The following SORT1 variants were observed in gnomAD, a reference collection of about 807,000 sequenced individuals.
SORT1 encodes the protein sortilin 1.
Under a neutral mutation model 101.7 loss-of-function variants are expected in SORT1, and 39 were observed. The observed-to-expected ratio is 0.38, with a 90% confidence interval of 0.30 to 0.50. SORT1 has a LOEUF of 0.50. SORT1 is among the 20% of genes least tolerant of loss of function. SORT1 has a pLI of 0.90. For synonymous variants in SORT1, 396 were observed against 393.7 expected, an observed-to-expected ratio of 1.01 and a Z score of -0.07; for missense variants, 878 against 1,040.4, an observed-to-expected ratio of 0.84 and a Z score of 2.15.
At chr1:109,344,091 C>T (rs563098589) in intron 8 of SORT1, among the ~76,000 whole-genome samples, 2 of 152,318 alleles carry the variant, frequency 1.3e-5, no homozygotes, top group East Asian at 3.9e-4. Flanking sequence ...TCACAACCCA[C>T]ATCAAATCCA....
intron 1 of SORT1, among the ~76,000 whole-genome samples, chr1:109,372,848 G>A (rs1370070754): frequency 2.0e-5 from 3 of 150,206 alleles, no homozygotes; most frequent in Admixed American, 1.3e-4. Context: ...GCAGTGAGCC[G>A]AGAGCGCGCC....
chr1:109,362,474 T>C (rs1271243349), intron 3 of SORT1, among the ~76,000 whole-genome samples: 1 of 152,228 alleles, frequency 6.6e-6, no homozygotes, highest in Non-Finnish European at 1.5e-5. Flanking sequence ...TTGGCAAGAT[T>C]TGAATTCATA....
Position 109,342,153 on chromosome 1 carries a change from T to G in SORT1, c.969A>C (p.Thr323=), listed in dbSNP as rs2228604. The G allele has an allele frequency of 0.72, 1,152,128 of 1,608,056 alleles. 419,431 individuals are homozygous for G. Among genetic ancestry groups the G allele is most frequent in the East Asian group, 0.97 (43,543 of 44,856 alleles). ...CTGTTGAAACGTGGATCCTTCTTGT[T>G]GTATCCTAGAACAGATGTCAATATT... ...LFASVMADKD[T]TRRIHVSTDQ... The change falls in exon 9 of 20, where the codon ACA becomes ACC. Residue 323 remains threonine (T), a synonymous_variant. Coordinates refer to ENST00000256637, the MANE Select transcript of SORT1 (RefSeq NM_002959.7).
intron 1 of SORT1, among the ~76,000 whole-genome samples, chr1:109,376,498 T>C (rs757992675): frequency 4.6e-5 from 7 of 152,150 alleles, no homozygotes; most frequent in Non-Finnish European, 1.0e-4. Flanking sequence ...TCAACCTAGG[T>C]GCCCATCAGC....
intron 3 of SORT1, among the ~76,000 whole-genome samples, chr1:109,359,753 G>A (rs915823393): frequency 3.3e-5 from 5 of 152,148 alleles, no homozygotes; most frequent in Non-Finnish European, 5.9e-5. Flanking sequence ...TCCCACATCT[G>A]CCTCCCAAAG....
At chr1:109,355,207 T>C (rs991994777) in intron 4 of SORT1, among the ~76,000 whole-genome samples, 160 bp downstream of exon 4, 1 of 151,954 alleles carries the variant, frequency 6.6e-6, no homozygotes, top group Admixed American at 6.6e-5. Context: ...GGAGACAGAG[T>C]GAGACCCTTA....
At chr1:109,327,647 A>T in intron 11 of SORT1, 46 bp from the exon 12 acceptor site, 1 of 1,279,514 alleles carries the variant, frequency 7.8e-7, no homozygotes, top group Non-Finnish European at 1.1e-6. Context: ...AGATAAAGAT[A>T]CAATTTCTTT....
At chr1:109,358,331 C>T (rs1394533850) in intron 3 of SORT1, among the ~76,000 whole-genome samples, 1 of 152,102 alleles carries the variant, frequency 6.6e-6, no homozygotes, top group Non-Finnish European at 1.5e-5. Context: ...TATGTATGGT[C>T]TCAAACTCCT....
intron 1 of SORT1, among the ~76,000 whole-genome samples, chr1:109,384,568 G>T (rs1226195282): frequency 6.6e-6 from 1 of 152,332 alleles, no homozygotes; most frequent in East Asian, 1.9e-4. Flanking sequence ...GCTCCTGTGG[G>T]TATTAAATGT....
intron 1 of SORT1, among the ~76,000 whole-genome samples, chr1:109,397,034 G>T (rs1483928350): frequency 1.3e-5 from 2 of 152,216 alleles, no homozygotes; most frequent in African/African-American, 4.8e-5. Flanking sequence ...TCAGACTTCC[G>T]TACCATGACA....
At chr1:109,334,805 T>C (rs1317105685) in intron 11 of SORT1, among the ~76,000 whole-genome samples, 2 of 152,140 alleles carry the variant, frequency 1.3e-5, no homozygotes, top group South Asian at 2.1e-4. Flanking sequence ...TTTTTGTCAA[T>C]TATGCCTCCA....
Position 109,327,087 on chromosome 1 carries a change from T to C in SORT1, c.1548A>G (p.Thr516=). Residue 516 remains threonine, a synonymous_variant, in exon 13 of 20, where the codon ACA becomes ACG. Transcript: ENST00000256637. ...AATAGTGGGGTCCTTCCAGCATCTTTGTCCAGGAGTAACCCCCATCATCTG... is the reference window on the plus strand; with the variant it reads ...AATAGTGGGGTCCTTCCAGCATCTTCGTCCAGGAGTAACCCCCATCATCTG... ...YISDDGGYSW[T]KMLEGPHYYT... is the part of the protein sequence containing the mutation. The C allele has an allele frequency of 2.5e-6, 4 of 1,613,286 alleles. No individual in the cohort carries two copies. The highest frequency in any genetic ancestry group is 3.4e-6 in the Non-Finnish European group (4 of 1,179,758).
intron 2 of SORT1, among the ~76,000 whole-genome samples, chr1:109,367,995 T>C (rs1463114966): frequency 6.6e-6 from 1 of 152,132 alleles, no homozygotes; most frequent in Non-Finnish European, 1.5e-5. Flanking sequence ...GAAAGCCATA[T>C]GAGAAATCTT....
At chr1:109,380,310 G>GTA (rs1013317038) in intron 1 of SORT1, among the ~76,000 whole-genome samples, 1 of 151,928 alleles carries the variant, frequency 6.6e-6, no homozygotes, top group African/African-American at 2.4e-5. Flanking sequence ...GATACTAGAA[G>GTA]TATAAGCGAA....
Position 109,390,789 on chromosome 1 carries a change from G to GTA in SORT1, c.306+6797_306+6798insTA, listed in dbSNP as rs1652862875. Among the ~76,000 whole-genome samples, 6 of 142,124 alleles carry GTA rather than the reference G, an allele frequency of 4.2e-5. 1 individual carries two copies. Among genetic ancestry groups the GTA allele is most frequent in the Admixed American group, 2.1e-4 (3 of 14,336 alleles). The allele number at this position is 142,124 out of a possible 152,430, so 93.2% of individuals were successfully genotyped here. ...TGTGTGTATGTGTGTGTGTGTGTGT[G>GTA]TGTGTGTGTGCGCGCGCGCGTTTTA... On this transcript the variant is annotated intron_variant, in intron 1 of 19. Transcript: ENST00000256637.
intron 13 of SORT1, among the ~76,000 whole-genome samples, chr1:109,326,083 C>T (rs1284545502): frequency 6.9e-6 from 1 of 144,854 alleles, no homozygotes; most frequent in Non-Finnish European, 1.5e-5. Flanking sequence ...GACGGGATCT[C>T]ACTCTGTCAC....
chr1:109,322,471 T>C (rs1647697720), intron 15 of SORT1, among the ~76,000 whole-genome samples: 1 of 152,238 alleles, frequency 6.6e-6, no homozygotes, highest in Non-Finnish European at 1.5e-5. Context: ...TCTGGTTTCC[T>C]TTCTCTGTGC....
intron 11 of SORT1, among the ~76,000 whole-genome samples, chr1:109,334,634 T>C (rs1195679267): frequency 2.0e-5 from 3 of 152,214 alleles, no homozygotes; most frequent in Admixed American, 6.5e-5. Flanking sequence ...AATACTGTAT[T>C]GTTACTTGAA....
At chr1:109,326,544 T>C (rs1224668903) in intron 13 of SORT1, among the ~76,000 whole-genome samples, 1 of 145,932 alleles carries the variant, frequency 6.9e-6, no homozygotes, top group African/African-American at 2.5e-5. Context: ...TATACATATA[T>C]ATACACATAT....
Sources: gnomAD v4.1 joint callset for allele counts (sites outside exome capture counted in the v4.1 genomes callset) on GRCh38, gnomAD v4.1.1 for gene constraint, MANE v1.5 for transcripts, NCBI Gene and HGNC (gene_info 2026-07-23, HGNC 2026-07-21) for gene names.